The following STMN1 variants were observed in gnomAD, a reference collection of about 807,000 sequenced individuals.
STMN1 encodes the protein stathmin.
STMN1 carries 3 observed loss-of-function variants against 19.7 expected under a neutral mutation model. The ratio of observed to expected loss-of-function variants is 0.15; its 90% CI spans 0.07 to 0.39. STMN1 has a LOEUF of 0.39. STMN1 is among the 10% of genes least tolerant of loss of function. The probability of loss-of-function intolerance (pLI) is 1.00; values close to 1 mark genes in which losing one functional copy is unlikely to be tolerated. For synonymous variants in STMN1, 59 were observed against 58.9 expected, an observed-to-expected ratio of 1.00 and a Z score of -0.01; for missense variants, 99 against 176.0, an observed-to-expected ratio of 0.56 and a Z score of 2.48.
At chr1:25,899,167 C>T (rs562917413), downstream of STMN1, among the ~76,000 whole-genome samples, 7 of 152,342 alleles carry the variant, frequency 4.6e-5, no homozygotes, top group East Asian at 1.4e-3. Flanking sequence ...GGCATCCTTT[C>T]AGGCCTGTTG....
At chr1:25,892,260 G>C (rs1022214035) in intron 4 of STMN1, among the ~76,000 whole-genome samples, 2 of 152,092 alleles carry the variant, frequency 1.3e-5, no homozygotes, top group African/African-American at 4.8e-5. Flanking sequence ...TGGTGGTGGG[G>C]TGCCTGCAAT....
rs1180203480 is a variant in STMN1, at chr1:25,887,430, G to C, written c.379-1561C>G. On this transcript the variant is annotated intron_variant, in intron 4 of 4. Transcript: ENST00000426559. ...GGAAAGCCGGTGATGCTGAAACAAA[G>C]TGGGGAATGGAGTACAAGGGCTATC... 3 of 374,058 alleles carry C rather than the reference G, an allele frequency of 8.0e-6. No homozygotes were observed. The Admixed American group carries it at 1.0e-4, about 13-fold the overall frequency. The allele number at this position is 374,058 out of a possible 1,614,324, so 23.2% of individuals were successfully genotyped here. A position where few individuals can be genotyped will look rare whatever the true frequency, so the allele number is the denominator to read the frequency against.
intron 1 of STMN1, 108 bp from the exon 2 acceptor site, chr1:25,904,846 G>T: frequency 1.5e-6 from 1 of 656,600 alleles, no homozygotes; most frequent in Non-Finnish European, 2.4e-6. Context: ...AAAAATACGT[G>T]GAATAAAGAC....
At chr1:25,886,715 A>C (rs1241508308) in intron 4 of STMN1, among the ~76,000 whole-genome samples, 2 of 151,318 alleles carry the variant, frequency 1.3e-5, no homozygotes, top group African/African-American at 4.9e-5. Flanking sequence ...CAGCCTCCTG[A>C]GTAGCTGGGA....
Position 25,900,704 on chromosome 1 carries a change from A to T in STMN1, c.*312T>A. The T allele has an allele frequency of 8.2e-6, 9 of 1,095,330 alleles. No homozygotes were observed. The highest frequency in any genetic ancestry group is 1.0e-5 in the Non-Finnish European group (9 of 900,724). 67.9% of individuals were successfully genotyped at this position (1,095,330 alleles called of 1,614,324 possible). On this transcript the variant is annotated 3_prime_UTR_variant, in exon 5 of 5. Coordinates refer to ENST00000455785, the MANE Select transcript of STMN1 (RefSeq NM_005563.4). ...AAGCCACTACATACTCTTTTCACAA[A>T]TATGTTTTCACAGAGCCAATACAGT... is the stretch of plus-strand genomic sequence containing the variant.
chr1:25,890,814 A>G (rs1203473184), intron 4 of STMN1, among the ~76,000 whole-genome samples: 1 of 152,128 alleles, frequency 6.6e-6, no homozygotes, highest in African/African-American at 2.4e-5. Context: ...TTTGGAAAAA[A>G]CTGGAAAGAA....
intron 1 of STMN1, among the ~76,000 whole-genome samples, chr1:25,905,685 C>T (rs964742902): frequency 6.6e-6 from 1 of 152,170 alleles, no homozygotes; most frequent in Admixed American, 6.5e-5. Context: ...TCCGCCCCTG[C>T]CTGACTCCCC....
chr1:25,884,558 T>C (rs1243079338), downstream of STMN1: 1 of 151,676 alleles, frequency 6.6e-6, no homozygotes, highest in African/African-American at 2.4e-5. Flanking sequence ...AAGCCGGGCG[T>C]GGTGGTGGGC....
At position 25,889,514 on chromosome 1, in the gene STMN1, A is replaced by G. The variant is rs2048754100; in HGVS notation, c.379-3645T>C. ...CTCAGCTCCCCAAGGGAAAAGCCCA[A>G]GAGTCAGCCCTCACTGCATGCCCAC... On this transcript the variant is annotated intron_variant, in intron 4 of 4. Transcript: ENST00000426559. Among the ~76,000 whole-genome samples, 3 of 151,406 alleles carry G rather than the reference A, an allele frequency of 2.0e-5. No individual in the cohort carries two copies. The South Asian group carries it at 6.3e-4, about 32-fold the overall frequency.
At chr1:25,894,795 C>T (rs2048804631) in intron 4 of STMN1, among the ~76,000 whole-genome samples, 1 of 152,154 alleles carries the variant, frequency 6.6e-6, no homozygotes, top group Non-Finnish European at 1.5e-5. Context: ...TGGTCTCTAA[C>T]TCCTGGCCTC....
intron 4 of STMN1, chr1:25,889,239 T>C: frequency 3.8e-6 from 1 of 265,294 alleles, no homozygotes; most frequent in Non-Finnish European, 7.4e-6. Flanking sequence ...TTTTCCTCTC[T>C]GAATCTGTTA....
intron 3 of STMN1, 89 bp downstream of exon 3, chr1:25,903,552 C>G: frequency 6.5e-7 from 1 of 1,534,132 alleles, no homozygotes; most frequent in Non-Finnish European, 8.9e-7. Flanking sequence ...AGTGTAGCTA[C>G]AATTCTGTTT....
rs2048944730 is a variant in STMN1 at position 25,906,140 on chromosome 1, G to T, written c.-63+249C>A. 2 of 152,270 alleles carry T rather than the reference G, an allele frequency of 1.3e-5. No homozygotes were observed. The highest frequency in any genetic ancestry group is 2.9e-5 in the Non-Finnish European group (2 of 68,126). The allele number at this position is 152,270 out of a possible 1,614,324, so 9.4% of individuals were successfully genotyped here. Reference sequence around the variant, plus strand: ...TGTCTCCTCGACGGCACCCCGGAGCGGACGCCCGGTGATCGCCCAGCCCCC... The same window carrying T: ...TGTCTCCTCGACGGCACCCCGGAGCTGACGCCCGGTGATCGCCCAGCCCCC... On this transcript the variant is annotated intron_variant, in intron 1 of 4. Transcript: ENST00000455785. The surrounding 1 kb of genome is among the most constrained non-coding windows in gnomAD (Gnocchi z 4.5).
intron 4 of STMN1, among the ~76,000 whole-genome samples, chr1:25,886,459 G>A (rs926688634): frequency 6.6e-6 from 1 of 152,106 alleles, no homozygotes; most frequent in African/African-American, 2.4e-5. Flanking sequence ...ATGCTTAGGC[G>A]GGACTCCTTA....
At position 25,900,217 on chromosome 1, in the gene STMN1, A is replaced by C; in HGVS notation, c.*799T>G. On this transcript the variant is annotated 3_prime_UTR_variant, in exon 5 of 5. Transcript: ENST00000455785. ...ACATGCCCCACCTGTAACGTAGAGC[A>C]AGCAAACCACCAAGTAGAATCTTGA... 2.0e-6 allele frequency: 2 copies of C among 985,926 alleles called. No homozygotes were observed. Among genetic ancestry groups the C allele is most frequent in the Non-Finnish European group, 2.4e-6 (2 of 829,958 alleles). 61.1% of individuals were successfully genotyped at this position (985,926 alleles called of 1,614,324 possible).
downstream of STMN1, among the ~76,000 whole-genome samples, chr1:25,897,631 T>C (rs2048830180): frequency 1.3e-5 from 2 of 152,150 alleles, no homozygotes; most frequent in African/African-American, 4.8e-5. Flanking sequence ...TTTCATTTGC[T>C]GAGACTTGTG....
At chr1:25,897,186 G>A (rs990457054), downstream of STMN1, among the ~76,000 whole-genome samples, 7 of 151,970 alleles carry the variant, frequency 4.6e-5, no homozygotes, top group South Asian at 2.1e-4. Flanking sequence ...GGTGGTGCAC[G>A]CCTGTAATCC....
chr1:25,904,462 GA>G, intron 2 of STMN1, among the ~76,000 whole-genome samples: 1 of 152,292 alleles, frequency 6.6e-6, no homozygotes, highest in South Asian at 2.1e-4. Flanking sequence ...TTTTGCTTCA[GA>G]CTAAGCCAAA....
At chr1:25,902,829 T>C (rs1012751400) in intron 3 of STMN1, 10 of 152,230 alleles carry the variant, frequency 6.6e-5, no homozygotes, top group Non-Finnish European at 1.2e-4. Flanking sequence ...CGGGTGTGTG[T>C]GTATACTACA....
Sources: allele counts gnomAD v4.1 joint callset (sites outside exome capture counted in the v4.1 genomes callset), GRCh38; gene constraint gnomAD v4.1.1; non-coding constraint Gnocchi (gnomAD v3.1); transcripts MANE v1.5; gene names NCBI Gene and HGNC (gene_info 2026-07-23, HGNC 2026-07-21).